ENPP2: variants seen among roughly 807,000 people sequenced by gnomAD.
ENPP2 encodes autotaxin.
Under a neutral mutation model 120.2 loss-of-function variants are expected in ENPP2, and 51 were observed. That is an observed-to-expected ratio of 0.42 (90% CI 0.34 to 0.54). The LOEUF is 0.54. ENPP2 is among the 20% of genes least tolerant of loss of function. The probability of loss-of-function intolerance (pLI) is 0.04; values close to 1 mark genes in which losing one functional copy is unlikely to be tolerated. For synonymous variants in ENPP2, 365 were observed against 366.4 expected, an observed-to-expected ratio of 1.00 and a Z score of 0.04; for missense variants, 920 against 1,066.5, an observed-to-expected ratio of 0.86 and a Z score of 1.91.
intron 19 of ENPP2, among the ~76,000 whole-genome samples, chr8:119,577,206 A>G (rs1812400685): frequency 6.6e-6 from 1 of 152,260 alleles, no homozygotes; most frequent in Non-Finnish European, 1.5e-5. Flanking sequence ...AATAATAAAA[A>G]TAGTACAACT....
At chr8:119,598,039 C>A (rs1379586733) in intron 11 of ENPP2, among the ~76,000 whole-genome samples, 1 of 152,082 alleles carries the variant, frequency 6.6e-6, no homozygotes, top group South Asian at 2.1e-4. Flanking sequence ...ATAATCTTTT[C>A]ATGTATAATA....
chr8:119,638,546 C>G lies in ENPP2; in HGVS notation c.34-19G>C, dbSNP rs1342498594. On this transcript the variant is annotated intron_variant, in intron 1 of 24. Transcript: ENST00000075322. ...ATATTATCTAAGAGAATAAAGAGAC[C>G]AAGTTGTCAAATACAGCTGGAGAAG... The G allele has an allele frequency of 7.0e-7, 1 of 1,422,262 alleles. No individual in the cohort carries two copies. The highest frequency in any genetic ancestry group is 9.9e-7 in the Non-Finnish European group (1 of 1,005,154). 88.1% of individuals were successfully genotyped at this position (1,422,262 alleles called of 1,614,324 possible). A position where few individuals can be genotyped will look rare whatever the true frequency, so the allele number is the denominator to read the frequency against.
At chr8:119,606,724 A>G (rs925990886) in intron 9 of ENPP2, among the ~76,000 whole-genome samples, 6 of 152,130 alleles carry the variant, frequency 3.9e-5, no homozygotes, top group African/African-American at 1.4e-4. Flanking sequence ...TTTATTTCTG[A>G]TTTTAGAGAG....
chr8:119,596,945 G>T (rs1265081977), intron 11 of ENPP2, among the ~76,000 whole-genome samples: 1 of 151,272 alleles, frequency 6.6e-6, no homozygotes, highest in Non-Finnish European at 1.5e-5. Flanking sequence ...GTGCAAAGGT[G>T]AATTAAAGCA....
rs369002578 is a variant in ENPP2, at chr8:119,569,376, C to A, written c.1918-6G>T. 2 of 1,613,578 alleles carry A rather than the reference C, an allele frequency of 1.2e-6. No homozygotes were observed. The highest frequency in any genetic ancestry group is 2.2e-5 in the South Asian group (2 of 91,072). On this transcript the variant is annotated splice_polypyrimidine_tract_variant and splice_region_variant and intron_variant, in intron 20 of 24. Transcript: ENST00000075322. The stretch of plus-strand genomic sequence containing the variant: ...GGAACGCTGGAAACCTCAGCCTGCA[C>A]GGGAGTCAGAGGCACTCAGCAATGC...
In ENPP2 at chr8:119,671,747, C is replaced by T. The variant is rs1319075722; in HGVS notation, c.21+1505G>A. 2.0e-5 allele frequency among the ~76,000 whole-genome samples: 3 copies of T among 152,210 alleles called. No homozygotes were observed. In the East Asian group the frequency reaches 5.8e-4, roughly 29 times the overall value. ...AAGATTAGGCTACGTTTGGGAGACA[C>T]CATGTATATGTAGTGGTTAAAGCCG... On this transcript the variant is annotated intron_variant, in intron 1 of 25. Transcript: ENST00000427067.
At chr8:119,572,514 G>T in intron 19 of ENPP2, 1 of 429,198 alleles carries the variant, frequency 2.3e-6, no homozygotes. Flanking sequence ...AGCATTCAAC[G>T]TAACACTCTA....
intron 1 of ENPP2, among the ~76,000 whole-genome samples, chr8:119,663,119 C>CAAAA (rs34922221): frequency 8.3e-5 from 10 of 120,358 alleles, no homozygotes; most frequent in East Asian, 2.3e-4. Context: ...ACTCTTGTCT[C>CAAAA]AAAAAAAAAA....
intron 3 of ENPP2, among the ~76,000 whole-genome samples, chr8:119,622,959 G>T (rs1051821743): frequency 6.6e-6 from 1 of 152,052 alleles, no homozygotes; most frequent in African/African-American, 2.4e-5. Flanking sequence ...GTAACAGGTG[G>T]CATTGATAGA....
At chr8:119,647,287 G>A (rs1037777440) in intron 1 of ENPP2, among the ~76,000 whole-genome samples, 12 of 152,228 alleles carry the variant, frequency 7.9e-5, no homozygotes, top group Admixed American at 3.3e-4. Flanking sequence ...GAGCCACTGC[G>A]CCCAGCCCGT....
intron 11 of ENPP2, among the ~76,000 whole-genome samples, chr8:119,597,376 G>A (rs1813971715): frequency 1.3e-5 from 2 of 152,156 alleles, no homozygotes; most frequent in South Asian, 2.1e-4. Flanking sequence ...CTCCAAAGAT[G>A]AGCCCTTCCA....
chr8:119,595,944 G>A, intron 11 of ENPP2: 1 of 1,613,890 alleles, frequency 6.2e-7, no homozygotes, highest in Non-Finnish European at 8.5e-7. Flanking sequence ...TCTCCTCTTA[G>A]GGGCAACTTT....
chr8:119,640,448 T>C (rs1817243960), upstream of ENPP2, among the ~76,000 whole-genome samples: 1 of 152,234 alleles, frequency 6.6e-6, no homozygotes. Context: ...TATTTCATTA[T>C]ATGCCACAGT....
intron 2 of ENPP2, among the ~76,000 whole-genome samples, chr8:119,633,060 A>T (rs999063128): frequency 6.6e-6 from 1 of 152,192 alleles, no homozygotes; most frequent in South Asian, 2.1e-4. Flanking sequence ...CATCTCAAAA[A>T]ACAACAACAA....
At chr8:119,592,989 A>G in intron 12 of ENPP2, 2 of 981,154 alleles carry the variant, frequency 2.0e-6, no homozygotes, top group South Asian at 9.4e-5. Flanking sequence ...TAGAAGGGAG[A>G]AGCCCCAAAT....
chr8:119,623,278 A>G (rs1044729128), intron 3 of ENPP2, among the ~76,000 whole-genome samples: 4 of 152,088 alleles, frequency 2.6e-5, no homozygotes, highest in Non-Finnish European at 5.9e-5. Context: ...AGCCTGGCCA[A>G]CATGGTGAAA....
chr8:119,560,434 T>A (rs150839036), intron 24 of ENPP2, among the ~76,000 whole-genome samples: 282 of 152,276 alleles, frequency 1.9e-3, no homozygotes, highest in Non-Finnish European at 3.5e-3. Flanking sequence ...GTTTCCACAT[T>A]TCTCTACCAC....
At chr8:119,646,045 C>T (rs534335314) in intron 1 of ENPP2, among the ~76,000 whole-genome samples, 4 of 151,700 alleles carry the variant, frequency 2.6e-5, no homozygotes, top group African/African-American at 9.7e-5. Context: ...CTCGGCTCAC[C>T]GCAGCCTCCG....
intron 22 of ENPP2, 105 bp from the exon 23 acceptor site, chr8:119,565,060 A>G (rs1814302692): frequency 3.5e-6 from 3 of 863,084 alleles, no homozygotes; most frequent in Non-Finnish European, 3.6e-6. Context: ...CTCACAAGCC[A>G]AGAGACAAGA....
Sources: gnomAD v4.1 joint callset for allele counts (sites outside exome capture counted in the v4.1 genomes callset) on GRCh38, gnomAD v4.1.1 for gene constraint, MANE v1.5 for transcripts, NCBI Gene and HGNC (gene_info 2026-07-23, HGNC 2026-07-21) for gene names.